MARCHF3: variants seen among roughly 807,000 people sequenced by gnomAD.
MARCHF3 encodes E3 ubiquitin-protein ligase MARCHF3.
A neutral mutation model predicts 24.2 loss-of-function variants in MARCHF3; 13 were observed. The ratio of observed to expected loss-of-function variants is 0.54; its 90% confidence interval spans 0.35 to 0.85. The LOEUF is 0.85. Among genes scored for constraint, MARCHF3 ranks in the 40% least tolerant of loss-of-function variants. The pLI, the probability that MARCHF3 is intolerant of heterozygous loss-of-function variation, is 0.01. For missense variants in MARCHF3, 276 were observed against 325.0 expected (o/e 0.85, Z 1.16); for synonymous variants, 144 against 137.3 (o/e 1.05, Z -0.34).
At chr5:127,005,943 T>C (rs1752299166) in intron 1 of MARCHF3, among the ~76,000 whole-genome samples, 1 of 152,142 alleles carries the variant, frequency 6.6e-6, no homozygotes, top group Non-Finnish European at 1.5e-5. Flanking sequence ...GGCTCATGCC[T>C]GTAATCCCAC....
chr5:126,954,634 T>C (rs1750373299), intron 1 of MARCHF3, among the ~76,000 whole-genome samples: 1 of 150,710 alleles, frequency 6.6e-6, no homozygotes, highest in Non-Finnish European at 1.5e-5. Flanking sequence ...GCCTCCTGAA[T>C]TGCTGGGATT....
At chr5:126,943,445 T>C (rs1749900597) in intron 1 of MARCHF3, among the ~76,000 whole-genome samples, 1 of 151,842 alleles carries the variant, frequency 6.6e-6, no homozygotes, top group Non-Finnish European at 1.5e-5. Context: ...TAGCTGAGTG[T>C]GGTGGCACAG....
At chr5:126,908,108 G>A (rs1754368766) in intron 3 of MARCHF3, among the ~76,000 whole-genome samples, 1 of 152,026 alleles carries the variant, frequency 6.6e-6, no homozygotes, top group African/African-American at 2.4e-5. Context: ...ATGAAATTCT[G>A]GGTTGAAAAT....
intron 1 of MARCHF3, among the ~76,000 whole-genome samples, chr5:127,018,799 G>C (rs922048054): frequency 6.6e-6 from 1 of 152,194 alleles, no homozygotes; most frequent in African/African-American, 2.4e-5. Context: ...ACCATGGAGA[G>C]CAAGATGAAC....
chr5:126,919,108 A>G (rs960687872), intron 1 of MARCHF3, among the ~76,000 whole-genome samples: 5 of 152,216 alleles, frequency 3.3e-5, no homozygotes, highest in South Asian at 2.1e-4. Flanking sequence ...CCTCCTAGGC[A>G]CATGGTTTAT....
intron 3 of MARCHF3, among the ~76,000 whole-genome samples, chr5:126,882,265 A>G (rs1753369156): frequency 6.6e-6 from 1 of 152,196 alleles, no homozygotes; most frequent in Non-Finnish European, 1.5e-5. Context: ...CTTTTCAGCT[A>G]GGTGGGACAC....
At chr5:127,024,304 T>G (rs559669957) in intron 1 of MARCHF3, among the ~76,000 whole-genome samples, 1 of 152,332 alleles carries the variant, frequency 6.6e-6, no homozygotes, top group Admixed American at 6.5e-5. Flanking sequence ...TTTATGCATA[T>G]CCTTTTAAGG....
intron 1 of MARCHF3, among the ~76,000 whole-genome samples, chr5:127,023,015 C>T (rs1580500472): frequency 6.6e-6 from 1 of 152,192 alleles, no homozygotes; most frequent in East Asian, 1.9e-4. Context: ...GATCCTTGGT[C>T]TGTACACATG....
rs531625655 is a variant in MARCHF3 at position 127,004,075 on chromosome 5, C to A, written c.-57+26275G>T. Among the ~76,000 whole-genome samples, 3 of 152,276 alleles carry A rather than the reference C, an allele frequency of 2.0e-5. No homozygotes were observed. The South Asian group carries it at 6.2e-4, about 32-fold the overall frequency. On this transcript the variant is annotated intron_variant, in intron 1 of 4. Coordinates refer to ENST00000308660, the MANE Select transcript of MARCHF3 (RefSeq NM_178450.5). The stretch of plus-strand genomic sequence containing the variant: ...GTCCTGGGCAAGGCAGCTCCAGACA[C>A]CCATCTGTATGGCTCTTTCTTTGTT...
intron 1 of MARCHF3, among the ~76,000 whole-genome samples, chr5:126,943,356 T>C (rs1390519879): frequency 2.0e-5 from 3 of 151,872 alleles, no homozygotes; most frequent in Admixed American, 1.3e-4. Context: ...AGTGGGAGGA[T>C]TGTTTGAGCC....
intron 1 of MARCHF3, among the ~76,000 whole-genome samples, chr5:126,976,608 G>A (rs902353534): frequency 3.3e-5 from 5 of 152,132 alleles, no homozygotes; most frequent in African/African-American, 1.2e-4. Flanking sequence ...CTCAGACCTG[G>A]GGTGGCTGAT....
rs1004392051 is a variant in MARCHF3 at position 126,869,891 on chromosome 5, A to G, written c.*742T>C. 6.6e-6 allele frequency: 1 copy of G among 152,488 alleles called. No individual in the cohort carries two copies. Among genetic ancestry groups the G allele is most frequent in the Admixed American group, 6.6e-5 (1 of 15,262 alleles). 9.4% of individuals were successfully genotyped at this position (152,488 alleles called of 1,614,324 possible). On this transcript the variant is annotated 3_prime_UTR_variant, in exon 5 of 5. Coordinates refer to ENST00000308660, the MANE Select transcript of MARCHF3 (RefSeq NM_178450.5). ...TCACACACTGGATGTTTATTATTAG[A>G]AAATAGCTTCTATCAGCTGTCAGTA...
intron 3 of MARCHF3, among the ~76,000 whole-genome samples, chr5:126,881,301 T>C (rs1753333488): frequency 6.6e-6 from 1 of 152,196 alleles, no homozygotes; most frequent in African/African-American, 2.4e-5. Flanking sequence ...GTGTATCTTC[T>C]GCAGAGCTCC....
intron 1 of MARCHF3, among the ~76,000 whole-genome samples, chr5:127,023,737 T>A (rs1225136867): frequency 6.3e-5 from 2 of 31,622 alleles, no homozygotes; most frequent in African/African-American, 1.8e-4. Flanking sequence ...TCTCAAAAAA[T>A]AAATAAATAA....
At chr5:126,960,212 A>T (rs1750592875) in intron 1 of MARCHF3, among the ~76,000 whole-genome samples, 1 of 152,178 alleles carries the variant, frequency 6.6e-6, no homozygotes, top group Non-Finnish European at 1.5e-5. Context: ...TCCATAAACT[A>T]AAAGTTGGCA....
chr5:126,870,844 G>C, intron 4 of MARCHF3, 53 bp from the exon 5 acceptor site: 3 of 1,603,154 alleles, frequency 1.9e-6, no homozygotes, highest in African/African-American at 1.3e-5. Context: ...AGCAGAAGTG[G>C]ATAATCAATA....
rs193080719 is a variant in MARCHF3, at chr5:126,900,528, T to A, written c.393+14402A>T. 1.9e-4 allele frequency among the ~76,000 whole-genome samples: 29 copies of A among 152,010 alleles called. No individual in the cohort carries two copies. The East Asian group carries it at 4.2e-3, about 22-fold the overall frequency. The stretch of plus-strand genomic sequence containing the variant: ...AGGAGGACCCTCACTAGAACCCAAC[T>A]ATGTCGGCACCCTGACCTTGGACTT... On this transcript the variant is annotated intron_variant, in intron 3 of 4. Coordinates refer to ENST00000308660, the MANE Select transcript of MARCHF3 (RefSeq NM_178450.5).
intron 1 of MARCHF3, among the ~76,000 whole-genome samples, chr5:126,960,295 TG>T (rs1750596045): frequency 6.6e-6 from 1 of 152,168 alleles, no homozygotes; most frequent in Non-Finnish European, 1.5e-5. Context: ...AGTTGACACA[TG>T]ATTTACTAAT....
At chr5:126,995,061 T>C (rs1751905256) in intron 1 of MARCHF3, among the ~76,000 whole-genome samples, 1 of 152,198 alleles carries the variant, frequency 6.6e-6, no homozygotes, top group South Asian at 2.1e-4. Context: ...CCCACCCAGA[T>C]TGAAGGTGGG....
Sources: allele counts gnomAD v4.1 joint callset (sites outside exome capture counted in the v4.1 genomes callset), GRCh38; gene constraint gnomAD v4.1.1; transcripts MANE v1.5; gene names NCBI Gene and HGNC (gene_info 2026-07-23, HGNC 2026-07-21).